TRPM3: variants seen among roughly 807,000 people sequenced by gnomAD.
TRPM3 encodes transient receptor potential cation channel subfamily M member 3, also known as long transient receptor potential channel 3.
In TRPM3, 77 loss-of-function variants were observed where a neutral mutation model predicts 181.2. That is an observed-to-expected ratio of 0.42 (90% CI 0.35 to 0.51). The LOEUF (loss-of-function observed/expected upper bound fraction) is 0.51. Ranked by LOEUF, TRPM3 falls within the 20% of genes least tolerant of loss-of-function variation. The pLI is 0.01. For synonymous variants in TRPM3, 745 were observed against 796.4 expected (o/e 0.94, Z 1.09); for missense variants, 1,759 against 2,196.7 (o/e 0.80, Z 3.98).
chr9:71,433,525 G>T (rs181970513), intron 1 of TRPM3, among the ~76,000 whole-genome samples: 1 of 152,136 alleles, frequency 6.6e-6, no homozygotes, highest in Non-Finnish European at 1.5e-5. Context: ...CCACTCTCGG[G>T]TATGTCTTTA....
At chr9:70,655,305 CAAA>C (rs1169901529) in intron 9 of TRPM3, among the ~76,000 whole-genome samples, 6 of 33,178 alleles carry the variant, frequency 1.8e-4, no homozygotes, top group African/African-American at 5.6e-4. Context: ...GACTCCGTCT[CAAA>C]AAAAAAAAAA....
intron 7 of TRPM3, 79 bp downstream of exon 7, chr9:70,784,026 A>G: frequency 1.3e-6 from 2 of 1,521,540 alleles, no homozygotes; most frequent in South Asian, 2.7e-5. Context: ...TGGTTGAGCT[A>G]CTGAAAACAT....
At chr9:70,888,226 C>T (rs557707579) in intron 1 of TRPM3, among the ~76,000 whole-genome samples, 14 of 152,240 alleles carry the variant, frequency 9.2e-5, no homozygotes, top group Non-Finnish European at 1.8e-4. Context: ...TCAGTCTTTA[C>T]TATGAACCAT....
At chr9:71,260,076 T>C (rs1262607349) in intron 1 of TRPM3, among the ~76,000 whole-genome samples, 1 of 152,172 alleles carries the variant, frequency 6.6e-6, no homozygotes, top group Non-Finnish European at 1.5e-5. Flanking sequence ...AAGGAAGGGG[T>C]CCAGTTTCAG....
rs114240440 is a variant in TRPM3, at chr9:71,131,744, A to G, written c.184-267233T>C. ...TATTCAACTCTCAAAAAATTAATAA[A>G]AGGAAAAGTTCTCAGACTCTAAACT... On this transcript the variant is annotated intron_variant, in intron 1 of 24. Transcript: ENST00000357533. 8.2e-3 allele frequency among the ~76,000 whole-genome samples: 1,255 copies of G among 152,334 alleles called. 21 individuals carry two copies. Among genetic ancestry groups the G allele is most frequent in the African/African-American group, 0.027 (1,128 of 41,586 alleles).
chr9:70,653,611 A>G (rs998916673), intron 9 of TRPM3, among the ~76,000 whole-genome samples: 3 of 151,546 alleles, frequency 2.0e-5, no homozygotes, highest in Admixed American at 6.6e-5. Context: ...GCAAAAGAGG[A>G]AAACAAAACA....
chr9:70,804,097 G>A lies in TRPM3; in HGVS notation c.974-19818C>T, dbSNP rs1009923782. Among the ~76,000 whole-genome samples, 7 of 152,006 alleles carry A rather than the reference G, an allele frequency of 4.6e-5. No individual in the cohort carries two copies. In the South Asian group the frequency reaches 8.3e-4, roughly 18 times the overall value. ...TGTAATCTCAGCACTTTGGGAGGCC[G>A]AGGCGGGTGGATCACTTGAGGCCAC... On this transcript the variant is annotated intron_variant, in intron 6 of 25. Transcript: ENST00000677713.
intron 1 of TRPM3, among the ~76,000 whole-genome samples, chr9:71,195,196 G>T (rs935528195): frequency 6.6e-6 from 1 of 152,028 alleles, no homozygotes; most frequent in Non-Finnish European, 1.5e-5. Context: ...CACAGCAAAA[G>T]AAACTATCGA....
At chr9:70,624,790 T>C (rs936996046) in intron 14 of TRPM3, among the ~76,000 whole-genome samples, 2 of 152,228 alleles carry the variant, frequency 1.3e-5, no homozygotes, top group African/African-American at 4.8e-5. Flanking sequence ...ACTTATTCTT[T>C]GTTTTTGAAA....
intron 1 of TRPM3, among the ~76,000 whole-genome samples, chr9:71,066,355 C>A (rs571919120): frequency 2.6e-5 from 4 of 152,120 alleles, no homozygotes; most frequent in Non-Finnish European, 5.9e-5. Context: ...GAGATGTGGT[C>A]TGATTTTCAT....
At chr9:71,099,312 G>C (rs1217690232) in intron 1 of TRPM3, among the ~76,000 whole-genome samples, 4 of 152,082 alleles carry the variant, frequency 2.6e-5, no homozygotes, top group Non-Finnish European at 4.4e-5. Flanking sequence ...TTATGACCTA[G>C]TTACCTCCCC....
intron 1 of TRPM3, among the ~76,000 whole-genome samples, chr9:71,273,851 G>A (rs2083987286): frequency 6.6e-6 from 1 of 152,092 alleles, no homozygotes; most frequent in Non-Finnish European, 1.5e-5. Context: ...TCTCCATATT[G>A]GTAACTTCAC....
chr9:70,599,333 C>G (rs1477139587), intron 20 of TRPM3, among the ~76,000 whole-genome samples: 1 of 152,120 alleles, frequency 6.6e-6, no homozygotes, highest in Non-Finnish European at 1.5e-5. Context: ...ACTCTTCAAG[C>G]TGCACCCTTA....
chr9:70,597,367 T>C (rs1225586842), intron 21 of TRPM3, among the ~76,000 whole-genome samples: 1 of 152,198 alleles, frequency 6.6e-6, no homozygotes, highest in Non-Finnish European at 1.5e-5. Flanking sequence ...CCACTGTGTC[T>C]GACCAGGAAA....
chr9:71,396,741 C>A (rs1029650064), intron 1 of TRPM3, among the ~76,000 whole-genome samples: 11 of 151,576 alleles, frequency 7.3e-5, no homozygotes, highest in African/African-American at 2.7e-4. Flanking sequence ...GGTGGGCAGA[C>A]CACAAGATCA....
chr9:70,617,649 C>G (rs935985795), intron 17 of TRPM3, among the ~76,000 whole-genome samples: 10 of 152,066 alleles, frequency 6.6e-5, no homozygotes, highest in African/African-American at 2.4e-4. Flanking sequence ...CTAGAGTGAC[C>G]ATTTCACTAT....
chr9:70,974,299 G>C (rs1004862058), intron 1 of TRPM3, among the ~76,000 whole-genome samples: 1 of 107,078 alleles, frequency 9.3e-6, no homozygotes, highest in Non-Finnish European at 2.1e-5. Flanking sequence ...CAACACGTTG[G>C]CAGGTCAAGG....
In TRPM3 at chr9:70,803,977, C is replaced by T. The variant is rs189706554; in HGVS notation, c.974-19698G>A. On this transcript the variant is annotated intron_variant, in intron 6 of 25. Coordinates refer to ENST00000677713, the MANE Select transcript of TRPM3 (RefSeq NM_001366145.2). ...TACTCCCCATCAATTTACCTTCCCA[C>T]ATTTTCCCACCTCTAGGAGACTAGG... is the stretch of plus-strand genomic sequence containing the variant. Among the ~76,000 whole-genome samples, 178 of 152,232 alleles carry T rather than the reference C, an allele frequency of 1.2e-3. 1 individual carries two copies. The South Asian group carries it at 0.03, about 26-fold the overall frequency.
intron 1 of TRPM3, among the ~76,000 whole-genome samples, chr9:71,275,401 G>C (rs1307837762): frequency 6.6e-6 from 1 of 152,140 alleles, no homozygotes. Flanking sequence ...AGTGAAAATA[G>C]TTAACAGATT....
Sources: gnomAD v4.1 joint callset for allele counts (sites outside exome capture counted in the v4.1 genomes callset) on GRCh38, gnomAD v4.1.1 for gene constraint, MANE v1.5 for transcripts, NCBI Gene and HGNC (gene_info 2026-07-23, HGNC 2026-07-21) for gene names.